Variants in CNTN5 observed in about 807,000 individuals in gnomAD.
CNTN5 encodes the protein contactin-5.
CNTN5 carries 77 observed loss-of-function variants against 129.1 expected under a neutral mutation model. The ratio of observed to expected loss-of-function variants is 0.60; its 90% CI spans 0.50 to 0.72. The LOEUF is 0.72. Ranked by LOEUF, CNTN5 falls within the 30% of genes least tolerant of loss-of-function variation. CNTN5 has a pLI of 0.00. For synonymous variants in CNTN5, 509 were observed against 465.6 expected (o/e 1.09, Z -1.20); for missense variants, 1,478 against 1,328.8 (o/e 1.11, Z -1.75).
chr11:100,281,190 T>C (rs1384540785), intron 18 of CNTN5, among the ~76,000 whole-genome samples: 1 of 152,170 alleles, frequency 6.6e-6, no homozygotes, highest in African/African-American at 2.4e-5. Flanking sequence ...ATGAGTTTTT[T>C]ACATTCAAAT....
At chr11:100,332,664 A>G (rs1391950972) in intron 21 of CNTN5, among the ~76,000 whole-genome samples, 2 of 152,206 alleles carry the variant, frequency 1.3e-5, no homozygotes, top group African/African-American at 4.8e-5. Context: ...AAGTCAGTAA[A>G]TGTGATACAC....
intron 6 of CNTN5, among the ~76,000 whole-genome samples, chr11:99,876,600 G>C (rs1176009675): frequency 6.6e-6 from 1 of 152,088 alleles, no homozygotes; most frequent in Non-Finnish European, 1.5e-5. Context: ...AAGTTTCTTG[G>C]TCGAGTTATC....
chr11:99,500,573 T>A (rs1946389373), intron 2 of CNTN5, among the ~76,000 whole-genome samples: 1 of 152,136 alleles, frequency 6.6e-6, no homozygotes. Context: ...GTGTGAAACT[T>A]GCTTTCTATT....
At chr11:99,032,642 A>C (rs983986557) in intron 1 of CNTN5, among the ~76,000 whole-genome samples, 4 of 151,830 alleles carry the variant, frequency 2.6e-5, no homozygotes, top group African/African-American at 9.7e-5. Context: ...AATCTGTTTG[A>C]GTTCACTGTA....
chr11:99,533,634 G>C (rs530082662), intron 2 of CNTN5, among the ~76,000 whole-genome samples: 8 of 152,332 alleles, frequency 5.3e-5, no homozygotes, highest in African/African-American at 1.9e-4. Context: ...ACTCAGGGCA[G>C]AGCAGGAGGC....
chr11:100,272,370 T>C lies in CNTN5; in HGVS notation c.2314+1129T>C, dbSNP rs529985347. ...CTGTGTCCATTGTGTATTATAGTTA[T>C]AGAACTGAACCAAAAATATGACTTT... On this transcript the variant is annotated intron_variant, in intron 18 of 24. Coordinates refer to ENST00000524871, the MANE Select transcript of CNTN5 (RefSeq NM_014361.4). 3.7e-4 allele frequency among the ~76,000 whole-genome samples: 57 copies of C among 152,294 alleles called. 1 individual carries two copies. In the South Asian group the frequency reaches 0.011, roughly 30 times the overall value.
At chr11:99,671,676 T>A (rs1953051115) in intron 3 of CNTN5, among the ~76,000 whole-genome samples, 1 of 152,186 alleles carries the variant, frequency 6.6e-6, no homozygotes, top group African/African-American at 2.4e-5. Flanking sequence ...AAAATATGTA[T>A]TACTTAGCTT....
intron 6 of CNTN5, among the ~76,000 whole-genome samples, chr11:99,883,164 A>G (rs1161364932): frequency 6.6e-6 from 1 of 152,220 alleles, no homozygotes; most frequent in East Asian, 1.9e-4. Context: ...TATTCCAAAC[A>G]GTGCTGCAAC....
At chr11:100,222,536 C>T (rs548143338) in intron 15 of CNTN5, among the ~76,000 whole-genome samples, 6 of 151,806 alleles carry the variant, frequency 4.0e-5, no homozygotes, top group African/African-American at 1.5e-4. Context: ...TTATTAATTA[C>T]AGGAATGTGA....
intron 15 of CNTN5, among the ~76,000 whole-genome samples, chr11:100,211,490 A>AT (rs563493037): frequency 7.5e-4 from 113 of 151,320 alleles, no homozygotes; most frequent in African/African-American, 1.1e-3. Flanking sequence ...AAAAGTGGGG[A>AT]TTTTTTTTTA....
chr11:99,320,037 C>A (rs1030971837), intron 1 of CNTN5, among the ~76,000 whole-genome samples: 1 of 152,008 alleles, frequency 6.6e-6, no homozygotes, highest in African/African-American at 2.4e-5. Flanking sequence ...GTCAGGAGTT[C>A]GAGACCAGCC....
intron 2 of CNTN5, among the ~76,000 whole-genome samples, chr11:99,460,554 A>T (rs1475631841): frequency 1.3e-5 from 2 of 152,078 alleles, no homozygotes; most frequent in African/African-American, 2.4e-5. Flanking sequence ...AGGAAATTAG[A>T]TACATCTTGT....
intron 1 of CNTN5, among the ~76,000 whole-genome samples, chr11:99,061,252 A>G (rs974666347): frequency 1.3e-5 from 2 of 152,118 alleles, no homozygotes; most frequent in African/African-American, 4.8e-5. Flanking sequence ...ATACCACTGC[A>G]TATGAAAATT....
chr11:99,633,563 G>C (rs1452404555), intron 3 of CNTN5, among the ~76,000 whole-genome samples: 1 of 152,000 alleles, frequency 6.6e-6, no homozygotes, highest in Non-Finnish European at 1.5e-5. Context: ...TATTTATCAA[G>C]CAGCTTCTAC....
At chr11:99,416,096 A>G (rs1942643749) in intron 2 of CNTN5, among the ~76,000 whole-genome samples, 1 of 152,118 alleles carries the variant, frequency 6.6e-6, no homozygotes, top group Admixed American at 6.6e-5. Context: ...GGCAGCTTGG[A>G]GTTAGCCTTG....
chr11:99,127,748 T>C (rs17572676), intron 1 of CNTN5, among the ~76,000 whole-genome samples: 12,182 of 152,224 alleles, frequency 0.08, 664 homozygotes, highest in South Asian at 0.12. Flanking sequence ...AAGATATCCA[T>C]TATATGCCAT....
intron 3 of CNTN5, among the ~76,000 whole-genome samples, chr11:99,578,338 A>C (rs576419173): frequency 1.3e-5 from 2 of 151,434 alleles, no homozygotes; most frequent in South Asian, 4.2e-4. Flanking sequence ...CTTTGGGTAT[A>C]TACCCAGTAA....
chr11:100,017,891 CTA>C (rs1359753471), intron 9 of CNTN5, among the ~76,000 whole-genome samples: 2 of 151,826 alleles, frequency 1.3e-5, no homozygotes, highest in African/African-American at 4.8e-5. Flanking sequence ...GTTTTATTGA[CTA>C]TGTGTTACAA....
intron 3 of CNTN5, among the ~76,000 whole-genome samples, chr11:99,598,249 C>G (rs987030059): frequency 2.7e-4 from 14 of 51,294 alleles, no homozygotes; most frequent in African/African-American, 8.9e-4. Flanking sequence ...CTTCCTTTTT[C>G]TTAGCTTTCC....
Sources: allele counts gnomAD v4.1 joint callset (sites outside exome capture counted in the v4.1 genomes callset), GRCh38; gene constraint gnomAD v4.1.1; transcripts MANE v1.5; gene names NCBI Gene and HGNC (gene_info 2026-07-23, HGNC 2026-07-21).